Variants in YIPF7 observed in about 807,000 individuals in gnomAD.
YIPF7 encodes the protein protein YIPF7.
YIPF7 carries 35 observed loss-of-function variants against 27.2 expected under a neutral mutation model. That is an observed-to-expected ratio of 1.29 (90% CI 0.98 to 1.70). YIPF7 has a LOEUF of 1.70. Ranked by LOEUF, YIPF7 falls within the 40% of genes most tolerant of loss-of-function variation. YIPF7 has a pLI of 0.00. For missense variants in YIPF7, 358 were observed against 303.7 expected, an observed-to-expected ratio of 1.18 and a Z score of -1.33; for synonymous variants, 137 against 110.4, an observed-to-expected ratio of 1.24 and a Z score of -1.51.
chr4:44,656,146 T>C (rs1713895650), upstream of YIPF7, among the ~76,000 whole-genome samples: 1 of 152,036 alleles, frequency 6.6e-6, no homozygotes, highest in Admixed American at 6.6e-5. Context: ...AATTTACACC[T>C]GAGATTATGA....
chr4:44,640,221 C>T (rs376625225), intron 2 of YIPF7, among the ~76,000 whole-genome samples: 2 of 152,258 alleles, frequency 1.3e-5, no homozygotes, highest in East Asian at 3.9e-4. Flanking sequence ...AGAGAAAACT[C>T]CCTCCATCTG....
chr4:44,638,320 G>A (rs943085035), intron 2 of YIPF7, among the ~76,000 whole-genome samples: 1 of 150,450 alleles, frequency 6.6e-6, no homozygotes, highest in Non-Finnish European at 1.5e-5. Context: ...AGGCAAGCTT[G>A]CACTCAGGCC....
At chr4:44,645,376 GA>G in intron 2 of YIPF7, among the ~76,000 whole-genome samples, 1 of 152,114 alleles carries the variant, frequency 6.6e-6, no homozygotes, top group Non-Finnish European at 1.5e-5. Flanking sequence ...ATCCTTTCAT[GA>G]AAAAAGTCTC....
chr4:44,626,555 A>G (rs1256330287), intron 4 of YIPF7, among the ~76,000 whole-genome samples: 1 of 152,076 alleles, frequency 6.6e-6, no homozygotes, highest in Non-Finnish European at 1.5e-5. Context: ...GTGTCTTTTC[A>G]TGGCAGTTAT....
At chr4:44,656,668 A>G (rs1489985203) in intron 2 of YIPF7, among the ~76,000 whole-genome samples, 1 of 152,028 alleles carries the variant, frequency 6.6e-6, no homozygotes, top group Admixed American at 6.6e-5. Context: ...TGTGTTCATT[A>G]TTTACAATCA....
intron 2 of YIPF7, among the ~76,000 whole-genome samples, chr4:44,647,896 A>ATG (rs60118804): frequency 0.077 from 11,750 of 151,880 alleles, 527 homozygotes; most frequent in Admixed American, 0.13. Flanking sequence ...GTGTGTGTGG[A>ATG]TGTGTGTGTG....
chr4:44,654,662 C>T (rs914106757), upstream of YIPF7, among the ~76,000 whole-genome samples: 1 of 151,948 alleles, frequency 6.6e-6, no homozygotes, highest in Non-Finnish European at 1.5e-5. Flanking sequence ...TTCTTAAAGT[C>T]TTTACCCTTC....
At chr4:44,654,202 G>T (rs1406772506), upstream of YIPF7, among the ~76,000 whole-genome samples, 1 of 151,990 alleles carries the variant, frequency 6.6e-6, no homozygotes, top group African/African-American at 2.4e-5. Context: ...ATTTAAGTGG[G>T]TTTTTTCCAT....
chr4:44,622,886 G>T (rs1024401017), intron 5 of YIPF7, among the ~76,000 whole-genome samples: 3 of 152,140 alleles, frequency 2.0e-5, no homozygotes, highest in East Asian at 1.9e-4. Context: ...CTTAAATACA[G>T]CATTGAGAGC....
intron 2 of YIPF7, among the ~76,000 whole-genome samples, chr4:44,658,288 A>G (rs1268989329): frequency 1.3e-5 from 2 of 152,146 alleles, no homozygotes; most frequent in African/African-American, 4.8e-5. Flanking sequence ...ATGTGAGGAT[A>G]CAATAAGAAC....
chr4:44,654,129 C>T (rs183685760), upstream of YIPF7, among the ~76,000 whole-genome samples: 1 of 152,098 alleles, frequency 6.6e-6, no homozygotes, highest in Non-Finnish European at 1.5e-5. Context: ...ACCATTAATG[C>T]ATAGGCAAGA....
chr4:44,630,243 C>T (rs1712839527), intron 3 of YIPF7, among the ~76,000 whole-genome samples: 1 of 152,164 alleles, frequency 6.6e-6, no homozygotes, highest in South Asian at 2.1e-4. Context: ...GCTGGGATTA[C>T]AGACCTTAGC....
chr4:44,650,012 G>T lies in YIPF7; in HGVS notation c.89C>A (p.Ala30Asp), dbSNP rs1415626290. The T allele has an allele frequency of 1.3e-6, 2 of 1,578,032 alleles. No individual in the cohort carries two copies. The highest frequency in any genetic ancestry group is 3.6e-5 in the Admixed American group (2 of 56,130). The change falls in exon 2 of 6, where the codon GCC (alanine) becomes GAC (aspartate). Residue 30 changes from alanine (A) to aspartate (D), a missense_variant. Ala to Asp is a moderately radical substitution (Grantham distance 126). Coordinates refer to ENST00000415895, the MANE Select transcript of YIPF7 (RefSeq NM_182592.3). ...TCTAGATCCATAAAGATTTCCATAG[G>T]CATTAGAGTCATTACCACTCTGCTC... ...NQEQSGNDSN[A>D]YGNLYGSRKQ...
chr4:44,622,711 A>G (rs1050880606), intron 5 of YIPF7, 135 bp from the exon 6 acceptor site: 3 of 1,160,528 alleles, frequency 2.6e-6, no homozygotes, highest in Non-Finnish European at 2.4e-6. Flanking sequence ...GATAAAATAT[A>G]TGAACAAAAG....
At chr4:44,623,849 C>T (rs947476467) in intron 5 of YIPF7, among the ~76,000 whole-genome samples, 3 of 152,124 alleles carry the variant, frequency 2.0e-5, no homozygotes, top group African/African-American at 2.4e-5. Context: ...GGGAATTCTA[C>T]GTGGCAAAGA....
At chr4:44,642,567 G>C (rs2109592578) in intron 2 of YIPF7, among the ~76,000 whole-genome samples, 1 of 152,252 alleles carries the variant, frequency 6.6e-6, no homozygotes, top group South Asian at 2.1e-4. Flanking sequence ...GTTTGGATCT[G>C]TGTCCCCACC....
At chr4:44,655,910 G>T (rs1445640157), upstream of YIPF7, among the ~76,000 whole-genome samples, 5 of 151,904 alleles carry the variant, frequency 3.3e-5, no homozygotes, top group African/African-American at 7.2e-5. Flanking sequence ...ATTTTAAAGA[G>T]CTCAATATGT....
chr4:44,627,950 T>C (rs186565627), intron 4 of YIPF7, among the ~76,000 whole-genome samples: 2 of 152,262 alleles, frequency 1.3e-5, no homozygotes, highest in Admixed American at 1.3e-4. Flanking sequence ...CCAAGAGAGA[T>C]CATAATGGAA....
upstream of YIPF7, among the ~76,000 whole-genome samples, chr4:44,653,564 G>C (rs1259192996): frequency 6.6e-6 from 1 of 151,986 alleles, no homozygotes; most frequent in Non-Finnish European, 1.5e-5. Context: ...ACTGAGGAAG[G>C]GCCAACCAAT....
Sources: gnomAD v4.1 joint callset for allele counts (sites outside exome capture counted in the v4.1 genomes callset) on GRCh38, gnomAD v4.1.1 for gene constraint, MANE v1.5 for transcripts, NCBI Gene and HGNC (gene_info 2026-07-23, HGNC 2026-07-21) for gene names.